Variants in GABRB2 observed in about 807,000 individuals in gnomAD.
GABRB2 encodes gamma-aminobutyric acid type A receptor subunit beta2, also known as gamma-aminobutyric acid receptor subunit beta-2.
Under a neutral mutation model 54.7 loss-of-function variants are expected in GABRB2, and 16 were observed. The observed-to-expected ratio is 0.29, with a 90% CI of 0.20 to 0.44. GABRB2 has a LOEUF of 0.44. Among genes scored for constraint, GABRB2 ranks in the 20% least tolerant of loss-of-function variants. The probability of loss-of-function intolerance (pLI) is 1.00; values close to 1 mark genes in which losing one functional copy is unlikely to be tolerated. For missense variants in GABRB2, 355 were observed against 644.0 expected, an observed-to-expected ratio of 0.55 and a Z score of 4.86; for synonymous variants, 244 against 233.8, an observed-to-expected ratio of 1.04 and a Z score of -0.40.
intron 5 of GABRB2, among the ~76,000 whole-genome samples, chr5:161,338,657 G>C (rs775779082): frequency 2.1e-4 from 32 of 151,952 alleles, no homozygotes; most frequent in Non-Finnish European, 3.8e-4. Flanking sequence ...AGGCATGGTG[G>C]TACATGCTTA....
intron 5 of GABRB2, among the ~76,000 whole-genome samples, chr5:161,393,060 AT>A: frequency 6.6e-6 from 1 of 152,156 alleles, no homozygotes; most frequent in Admixed American, 6.5e-5. Context: ...ACAAGATTAA[AT>A]TTCTTACACA....
At chr5:161,397,927 G>A (rs142868937) in intron 5 of GABRB2, among the ~76,000 whole-genome samples, 1 of 152,014 alleles carries the variant, frequency 6.6e-6, no homozygotes, top group Non-Finnish European at 1.5e-5. Flanking sequence ...TATTCTCATA[G>A]GGTAGATACA....
At chr5:161,399,534 G>T (rs1404968381) in intron 5 of GABRB2, among the ~76,000 whole-genome samples, 2 of 152,132 alleles carry the variant, frequency 1.3e-5, no homozygotes, top group Non-Finnish European at 2.9e-5. Context: ...TTAAGCAGGT[G>T]CTCCCAATAT....
At chr5:161,421,636 C>T (rs1422522982) in intron 4 of GABRB2, among the ~76,000 whole-genome samples, 5 of 152,216 alleles carry the variant, frequency 3.3e-5, no homozygotes, top group Admixed American at 6.5e-5. Context: ...CCTTTGGTGT[C>T]GGCTTCAGGA....
intron 3 of GABRB2, among the ~76,000 whole-genome samples, chr5:161,516,531 T>C (rs1759954710): frequency 6.6e-6 from 1 of 152,130 alleles, no homozygotes; most frequent in African/African-American, 2.4e-5. Context: ...CAAAGATAAA[T>C]AATAAGGGAG....
At chr5:161,534,803 C>T (rs538273605) in intron 3 of GABRB2, among the ~76,000 whole-genome samples, 3 of 151,942 alleles carry the variant, frequency 2.0e-5, no homozygotes, top group African/African-American at 7.2e-5. Flanking sequence ...GAAGAAAAAA[C>T]CCCAGAGAAG....
At chr5:161,403,236 A>AG (rs1278773310) in intron 5 of GABRB2, among the ~76,000 whole-genome samples, 1 of 152,096 alleles carries the variant, frequency 6.6e-6, no homozygotes, top group Non-Finnish European at 1.5e-5. Context: ...CTATAAATAG[A>AG]GGGGAAAAAA....
intron 4 of GABRB2, among the ~76,000 whole-genome samples, chr5:161,441,254 A>G (rs991791619): frequency 6.6e-5 from 10 of 152,220 alleles, no homozygotes; most frequent in Non-Finnish European, 1.0e-4. Context: ...AGGAGCTCAA[A>G]CAACTCTTTA....
chr5:161,503,772 G>T (rs887877331), intron 3 of GABRB2, among the ~76,000 whole-genome samples: 1 of 150,054 alleles, frequency 6.7e-6, no homozygotes, highest in African/African-American at 2.4e-5. Flanking sequence ...GACAGAGATT[G>T]TCAAACTGGA....
intron 4 of GABRB2, among the ~76,000 whole-genome samples, chr5:161,416,477 G>C (rs1227771072): frequency 1.3e-5 from 2 of 151,576 alleles, no homozygotes; most frequent in Admixed American, 6.6e-5. Flanking sequence ...GAAATTATAA[G>C]AAAGTGACTT....
chr5:161,511,124 T>C (rs182418895), intron 3 of GABRB2, among the ~76,000 whole-genome samples: 11 of 152,066 alleles, frequency 7.2e-5, no homozygotes, highest in Admixed American at 2.0e-4. Flanking sequence ...AAATGCCTCA[T>C]TATAGGGGTA....
chr5:161,314,899 G>T (rs1757978555), intron 9 of GABRB2, among the ~76,000 whole-genome samples: 2 of 152,282 alleles, frequency 1.3e-5, no homozygotes, highest in South Asian at 4.1e-4. Context: ...AATAATATAT[G>T]TAAGTCTCAT....
intron 3 of GABRB2, among the ~76,000 whole-genome samples, chr5:161,464,983 C>A (rs963295712): frequency 3.9e-5 from 6 of 151,954 alleles, no homozygotes; most frequent in Non-Finnish European, 8.8e-5. Flanking sequence ...GGTGTTAGGA[C>A]TTTAGGCATT....
At chr5:161,449,352 T>TTAC (rs537545767) in intron 4 of GABRB2, among the ~76,000 whole-genome samples, 2 of 152,218 alleles carry the variant, frequency 1.3e-5, no homozygotes, top group African/African-American at 4.8e-5. Context: ...CCAATAAAGG[T>TTAC]TACTACTACT....
rs1252746615 is a variant in GABRB2 at position 161,334,736 on chromosome 5, T to C, written c.832+16A>G. Reference sequence around the variant, plus strand: ...ACACAGAGTCAAAATCCACAAGCAGTAATAAAATGGCCTACCTAATGCCAC... The same window carrying C: ...ACACAGAGTCAAAATCCACAAGCAGCAATAAAATGGCCTACCTAATGCCAC... On this transcript the variant is annotated intron_variant, in intron 7 of 9. Transcript: ENST00000393959. 6.2e-7 allele frequency: 1 copy of C among 1,612,160 alleles called. No individual in the cohort carries two copies. The highest frequency in any genetic ancestry group is 8.5e-7 in the Non-Finnish European group (1 of 1,179,220).
chr5:161,418,899 G>A (rs2113138926), intron 4 of GABRB2, among the ~76,000 whole-genome samples: 1 of 152,172 alleles, frequency 6.6e-6, no homozygotes. Context: ...TGCCGAGGAG[G>A]GCAGATTGCT....
At chr5:161,357,458 TTATAGGC>T (rs1267464093) in intron 5 of GABRB2, among the ~76,000 whole-genome samples, 2 of 151,858 alleles carry the variant, frequency 1.3e-5, no homozygotes, top group African/African-American at 2.4e-5. Context: ...ATACTCAATC[TTATAGGC>T]TATTGTTTGG....
At chr5:161,456,501 T>C (rs1757958617) in intron 4 of GABRB2, among the ~76,000 whole-genome samples, 1 of 152,232 alleles carries the variant, frequency 6.6e-6, no homozygotes, top group Admixed American at 6.5e-5. Flanking sequence ...TGATTCCTAG[T>C]ATTCTTTATT....
At chr5:161,341,806 A>G (rs1484359924) in intron 5 of GABRB2, among the ~76,000 whole-genome samples, 1 of 150,468 alleles carries the variant, frequency 6.6e-6, no homozygotes, top group Non-Finnish European at 1.5e-5. Context: ...TTTGTTATCT[A>G]CTAAGTCAAT....
Sources: gnomAD v4.1 joint callset for allele counts (sites outside exome capture counted in the v4.1 genomes callset) on GRCh38, gnomAD v4.1.1 for gene constraint, MANE v1.5 for transcripts, NCBI Gene and HGNC (gene_info 2026-07-23, HGNC 2026-07-21) for gene names.